The following HBS1L variants were observed in gnomAD, a reference collection of about 807,000 sequenced individuals.
HBS1L encodes HBS1-like protein.
In HBS1L, 55 loss-of-function variants were observed where a neutral mutation model predicts 88.9. That is an observed-to-expected ratio of 0.62 (90% CI 0.50 to 0.77). The LOEUF is 0.77. Ranked by LOEUF, HBS1L falls within the 30% of genes least tolerant of loss-of-function variation. The pLI, the probability that HBS1L is intolerant of heterozygous loss-of-function variation, is 0.00. For missense variants in HBS1L, 741 were observed against 829.3 expected (o/e 0.89, Z 1.31); for synonymous variants, 267 against 288.5 (o/e 0.93, Z 0.76).
intron 3 of HBS1L, among the ~76,000 whole-genome samples, chr6:135,040,496 C>T (rs1025868460): frequency 4.6e-5 from 7 of 151,706 alleles, no homozygotes; most frequent in African/African-American, 9.7e-5. Flanking sequence ...GGATTATGGA[C>T]GCCCGCCACC....
chr6:135,015,896 T>C (rs1178388750), intron 4 of HBS1L, among the ~76,000 whole-genome samples: 1 of 148,522 alleles, frequency 6.7e-6, no homozygotes, highest in East Asian at 2.0e-4. Flanking sequence ...TTTTTTTTTT[T>C]TTTTTCCAGA....
chr6:134,969,368 C>G, intron 15 of HBS1L, 30 bp from the exon 16 acceptor site: 1 of 1,331,604 alleles, frequency 7.5e-7, no homozygotes, highest in East Asian at 2.3e-5. Flanking sequence ...CACTAAAAAT[C>G]TGCTACCACA....
intron 17 of HBS1L, among the ~76,000 whole-genome samples, 180 bp from the exon 18 acceptor site, chr6:134,965,470 T>C (rs928737483): frequency 6.6e-6 from 1 of 152,196 alleles, no homozygotes; most frequent in Non-Finnish European, 1.5e-5. Context: ...ATCTCTCCAT[T>C]ATTCTCCACA....
At chr6:134,978,853 T>G in intron 14 of HBS1L, 66 bp from the exon 15 acceptor site, 1 of 918,680 alleles carries the variant, frequency 1.1e-6, no homozygotes, top group East Asian at 2.4e-5. Flanking sequence ...TAGAAAGACC[T>G]CAAAAACATT....
At chr6:135,015,882 CTTTT>C (rs1174601694) in intron 4 of HBS1L, among the ~76,000 whole-genome samples, 3 of 116,964 alleles carry the variant, frequency 2.6e-5, no homozygotes, top group Non-Finnish European at 5.3e-5. Context: ...CGAGCCCAGC[CTTTT>C]TTTTTTTTTT....
intron 15 of HBS1L, among the ~76,000 whole-genome samples, chr6:134,972,242 G>A (rs1359391259): frequency 1.3e-5 from 2 of 152,044 alleles, no homozygotes; most frequent in Non-Finnish European, 2.9e-5. Flanking sequence ...CTGTTAGGTG[G>A]CCAAGTAAAT....
chr6:135,027,018 C>T (rs949754719), intron 4 of HBS1L: 1 of 151,070 alleles, frequency 6.6e-6, no homozygotes, highest in Non-Finnish European at 1.5e-5. Flanking sequence ...GTGGCAAGAT[C>T]CCATCTCTAC....
chr6:135,034,161 CAT>C (rs1776464168), intron 4 of HBS1L, among the ~76,000 whole-genome samples: 1 of 149,846 alleles, frequency 6.7e-6, no homozygotes, highest in Non-Finnish European at 1.5e-5. Context: ...AAAAAAAAGA[CAT>C]AATGCCATCT....
rs1774163144 is a variant in HBS1L, at chr6:134,960,548, A to G, written c.*4731T>C. 1 of 152,068 alleles carries G rather than the reference A, an allele frequency of 6.6e-6. No homozygotes were observed. The highest frequency in any genetic ancestry group is 1.5e-5 in the Non-Finnish European group (1 of 67,954). The allele number at this position is 152,068 out of a possible 1,614,324, so 9.4% of individuals were successfully genotyped here. A position where few individuals can be genotyped will look rare whatever the true frequency, so the allele number is the denominator to read the frequency against. ...ATTTGGTACAGTTTTATTGTGCATT[A>G]TACTTGTTATTAATATGAAATTCTC... On this transcript the variant is annotated 3_prime_UTR_variant, in exon 18 of 18. Coordinates refer to ENST00000367837, the MANE Select transcript of HBS1L (RefSeq NM_006620.4).
At position 134,964,454 on chromosome 6, in the gene HBS1L, G is replaced by T. The variant is rs1774253497; in HGVS notation, c.*825C>A. On this transcript the variant is annotated 3_prime_UTR_variant, in exon 18 of 18. Transcript: ENST00000367837. The stretch of plus-strand genomic sequence containing the variant: ...CTAAAAGTGAGAATGGGAAAAGCAA[G>T]TTATGGTTAAAAAAATGAATGAGAT... The T allele has an allele frequency of 6.6e-6, 1 of 152,096 alleles. No individual in the cohort carries two copies. The highest frequency in any genetic ancestry group is 1.5e-5 in the Non-Finnish European group (1 of 68,008). 9.4% of individuals were successfully genotyped at this position (152,096 alleles called of 1,614,324 possible). A position where few individuals can be genotyped will look rare whatever the true frequency, so the allele number is the denominator to read the frequency against.
At chr6:135,026,530 C>G (rs756724648) in intron 4 of HBS1L, among the ~76,000 whole-genome samples, 1 of 151,970 alleles carries the variant, frequency 6.6e-6, no homozygotes, top group Non-Finnish European at 1.5e-5. Context: ...CTATTAATAA[C>G]ATAAATGAGA....
chr6:135,008,629 AT>A (rs959307581), intron 4 of HBS1L, among the ~76,000 whole-genome samples: 1 of 151,430 alleles, frequency 6.6e-6, no homozygotes, highest in African/African-American at 2.4e-5. Flanking sequence ...GGTCCTGAAG[AT>A]TTTTTTTTCA....
chr6:135,050,957 G>A (rs982611604), intron 1 of HBS1L, among the ~76,000 whole-genome samples: 1 of 152,210 alleles, frequency 6.6e-6, no homozygotes, highest in Non-Finnish European at 1.5e-5. Flanking sequence ...GCCAGGCACG[G>A]TGGCTTACGC....
chr6:135,001,455 T>C (rs1259716909), intron 5 of HBS1L, among the ~76,000 whole-genome samples: 1 of 151,596 alleles, frequency 6.6e-6, no homozygotes, highest in Non-Finnish European at 1.5e-5. Context: ...CTTAGAACAA[T>C]AAATTGTGTA....
At chr6:135,027,685 G>C (rs1009569229) in intron 4 of HBS1L, among the ~76,000 whole-genome samples, 1 of 152,034 alleles carries the variant, frequency 6.6e-6, no homozygotes, top group Admixed American at 6.5e-5. Flanking sequence ...ATGGCAAAAT[G>C]TTAGCTTATT....
chr6:135,014,322 G>A (rs949748681), intron 4 of HBS1L, among the ~76,000 whole-genome samples: 12 of 152,158 alleles, frequency 7.9e-5, no homozygotes, highest in Non-Finnish European at 1.5e-4. Flanking sequence ...TTTATTTTAT[G>A]AAAGACTGCC....
chr6:135,052,617 T>C (rs916340111), intron 1 of HBS1L, among the ~76,000 whole-genome samples: 10 of 152,110 alleles, frequency 6.6e-5, no homozygotes, highest in Middle Eastern at 3.4e-3. Flanking sequence ...AACTCTTTTT[T>C]ACTAGGTCAG....
rs139493694 is a variant in HBS1L, at chr6:134,990,627, T to C, written c.1084-2836A>G. 3.4e-3 allele frequency among the ~76,000 whole-genome samples: 525 copies of C among 152,368 alleles called. 1 individual carries two copies. Among genetic ancestry groups the C allele is most frequent in the Non-Finnish European group, 5.6e-3 (384 of 68,030 alleles). On this transcript the variant is annotated intron_variant, in intron 8 of 17. Transcript: ENST00000367837. ...CTCACTCCCTTCCCTCACGGCTCAC[T>C]GCAGCCTCAACTTCCTGAGCTCAGG...
chr6:135,002,931 G>A (rs1775505858), intron 4 of HBS1L, 89 bp from the exon 5 acceptor site: 1 of 752,174 alleles, frequency 1.3e-6, no homozygotes, highest in Non-Finnish European at 2.2e-6. Context: ...TATAGATTAT[G>A]ATAACTTTCA....
Sources: gnomAD v4.1 joint callset for allele counts (sites outside exome capture counted in the v4.1 genomes callset) on GRCh38, gnomAD v4.1.1 for gene constraint, MANE v1.5 for transcripts, NCBI Gene and HGNC (gene_info 2026-07-23, HGNC 2026-07-21) for gene names.